IGF2R: variants seen among roughly 807,000 people sequenced by gnomAD.
The protein encoded by IGF2R is insulin like growth factor 2 receptor.
A neutral mutation model predicts 270.6 loss-of-function variants in IGF2R; 91 were observed. The observed-to-expected ratio is 0.34, with a 90% CI of 0.28 to 0.40. The LOEUF is 0.40. Ranked by LOEUF, IGF2R falls within the 10% of genes least tolerant of loss-of-function variation. The pLI, the probability that IGF2R is intolerant of heterozygous loss-of-function variation, is 1.00. For missense variants in IGF2R, 2,805 were observed against 3,188.3 expected, an observed-to-expected ratio of 0.88 and a Z score of 2.90; for synonymous variants, 1,316 against 1,258.9, an observed-to-expected ratio of 1.05 and a Z score of -0.96.
At chr6:159,970,827 C>G (rs1488922923) in intron 1 of IGF2R, among the ~76,000 whole-genome samples, 3 of 152,162 alleles carry the variant, frequency 2.0e-5, no homozygotes, top group Non-Finnish European at 2.9e-5. Flanking sequence ...GCCCGGAATC[C>G]AGCACTTTGG....
At chr6:160,007,302 C>T (rs1784258454) in intron 2 of IGF2R, 1 of 152,186 alleles carries the variant, frequency 6.6e-6, no homozygotes, top group African/African-American at 2.4e-5. Context: ...GACATAATGT[C>T]CTGCTGACTT....
At chr6:160,012,319 T>G (rs1254432622) in intron 4 of IGF2R, among the ~76,000 whole-genome samples, 1 of 152,138 alleles carries the variant, frequency 6.6e-6, no homozygotes, top group Admixed American at 6.5e-5. Context: ...GGGAGCACAG[T>G]GTGTTCATTC....
At position 160,060,600 on chromosome 6, in the gene IGF2R, G is replaced by C; in HGVS notation, c.3145G>C (p.Gly1049Arg). ...RFVCNDDVYS[G>R]PLKFLHQDID... ...TGTTTGCAATGATGATGTTTACTCA[G>C]GGCCCCTCAAATTCCTGCATCAAGA... The change falls in exon 23 of 48, where the codon GGG (glycine) becomes CGG (arginine). Residue 1049 changes from glycine (G) to arginine (R), a missense_variant. Coordinates refer to ENST00000356956, the MANE Select transcript of IGF2R (RefSeq NM_000876.4). 3.1e-6 allele frequency: 5 copies of C among 1,614,248 alleles called. No homozygotes were observed. The highest frequency in any genetic ancestry group is 4.2e-6 in the Non-Finnish European group (5 of 1,180,034).
rs1217705895 is a variant in IGF2R at position 160,063,522 on chromosome 6, C to T, written c.3778C>T (p.Arg1260Trp). The T allele has an allele frequency of 1.9e-6, 3 of 1,614,136 alleles. No homozygotes were observed. The highest frequency in any genetic ancestry group is 2.2e-5 in the East Asian group (1 of 44,888). ...VSAGEYTYYF[R>W]VCGKLSSDVC... ...CGCTGGCGAATACACTTATTACTTC[C>T]GGGTCTGTGGGAAGCTTTCCTCAGA... is the stretch of plus-strand genomic sequence containing the variant. Residue 1260 changes from arginine to tryptophan, a missense_variant, in exon 27 of 48, where the codon CGG becomes TGG. Coordinates refer to ENST00000356956, the MANE Select transcript of IGF2R (RefSeq NM_000876.4).
chr6:160,085,573 A>G (rs1779082618), intron 41 of IGF2R, among the ~76,000 whole-genome samples: 1 of 152,216 alleles, frequency 6.6e-6, no homozygotes, highest in African/African-American at 2.4e-5. Context: ...CGGGAAATTG[A>G]TCTTGTACTT....
At chr6:160,009,895 A>C (rs1290406886) in intron 3 of IGF2R, among the ~76,000 whole-genome samples, 1 of 152,228 alleles carries the variant, frequency 6.6e-6, no homozygotes, top group Non-Finnish European at 1.5e-5. Context: ...CTTCAGGTCC[A>C]CAGTGTCTTA....
intron 47 of IGF2R, among the ~76,000 whole-genome samples, chr6:160,104,380 C>T (rs1779565482): frequency 6.6e-6 from 1 of 151,926 alleles, no homozygotes; most frequent in Non-Finnish European, 1.5e-5. Context: ...TCGGTCCAGG[C>T]CATCCCGAAC....
At chr6:160,014,175 C>T (rs888375673) in intron 4 of IGF2R, among the ~76,000 whole-genome samples, 58 of 152,314 alleles carry the variant, frequency 3.8e-4, no homozygotes, top group African/African-American at 1.3e-3. Flanking sequence ...TGTAAATATA[C>T]CTCCTACTGT....
chr6:160,029,717 C>T lies in IGF2R; in HGVS notation c.882+62C>T, dbSNP rs8191759. On this transcript the variant is annotated intron_variant, in intron 7 of 47. Coordinates refer to ENST00000356956, the MANE Select transcript of IGF2R (RefSeq NM_000876.4). ...CAGTAGCCTGGGTTGCCCATGCGAA[C>T]GCGTTTCTGGGCTTGGGGCAGGGTG... The T allele has an allele frequency of 4.9e-4, 592 of 1,219,406 alleles. 4 individuals carry two copies. In the South Asian group the frequency reaches 6.4e-3, roughly 13 times the overall value. The allele number at this position is 1,219,406 out of a possible 1,614,324, so 75.5% of individuals were successfully genotyped here.
chr6:159,969,929 C>T (rs1444601592), intron 1 of IGF2R, among the ~76,000 whole-genome samples: 8 of 151,416 alleles, frequency 5.3e-5, no homozygotes, highest in Non-Finnish European at 1.0e-4. Context: ...GGCTCATTTT[C>T]TCTTTAAAGA....
Position 160,110,560 on chromosome 6 carries a change from C to T in IGF2R, c.*5476C>T, listed in dbSNP as rs1779721190. 6.6e-6 allele frequency: 1 copy of T among 152,250 alleles called. No individual in the cohort carries two copies. Among genetic ancestry groups the T allele is most frequent in the Non-Finnish European group, 1.5e-5 (1 of 68,048 alleles). The allele number at this position is 152,250 out of a possible 1,614,324, so 9.4% of individuals were successfully genotyped here. On this transcript the variant is annotated 3_prime_UTR_variant, in exon 48 of 48. Transcript: ENST00000356956. Reference sequence around the variant, plus strand: ...AGAACAGCTACCAGGAATCCCACATCTGGGTGTATATCCAAAAGAAATGAA... The same window carrying T: ...AGAACAGCTACCAGGAATCCCACATTTGGGTGTATATCCAAAAGAAATGAA...
intron 3 of IGF2R, among the ~76,000 whole-genome samples, chr6:160,009,694 G>C (rs1418117146): frequency 6.6e-6 from 1 of 152,098 alleles, no homozygotes; most frequent in African/African-American, 2.4e-5. Flanking sequence ...TTAATCTTTA[G>C]TTTTTGGAAA....
chr6:160,022,374 C>T (rs1196600923), intron 4 of IGF2R, among the ~76,000 whole-genome samples: 1 of 152,172 alleles, frequency 6.6e-6, no homozygotes, highest in Admixed American at 6.5e-5. Flanking sequence ...TACAACTGCA[C>T]TCGGTCCTCC....
intron 4 of IGF2R, among the ~76,000 whole-genome samples, chr6:160,013,446 T>C (rs949960867): frequency 6.7e-6 from 1 of 149,038 alleles, no homozygotes; most frequent in Non-Finnish European, 1.5e-5. Flanking sequence ...TGCTGATCTG[T>C]GTTCTAAATA....
Position 160,089,928 on chromosome 6 carries a change from C to G in IGF2R, c.6480C>G (p.Ala2160=), listed in dbSNP as rs184099576. The G allele has an allele frequency of 1.1e-5, 17 of 1,584,060 alleles. No individual in the cohort carries two copies. In the African/African-American group the frequency reaches 2.2e-4, roughly 20 times the overall value. The change falls in exon 44 of 48, where the codon GCC becomes GCG. Residue 2160 remains alanine, a synonymous_variant. Transcript: ENST00000356956. ...LGDIYFKLFR[A]SGDMRTNGDN... ...TCTGTCTCTTCAGGCTGTTCAGAGC[C>G]TCTGGGGACATGAGGACCAATGGGG...
chr6:160,063,483 G>A lies in IGF2R; in HGVS notation c.3739G>A (p.Asp1247Asn), dbSNP rs1778487319. The change falls in exon 27 of 48, where the codon GAC becomes AAC. Residue 1247 changes from aspartate (D) to asparagine (N), a missense_variant. Transcript: ENST00000356956. The part of the protein sequence containing the change: ...LYDLKPLGLN[D>N]TIVSAGEYTY... The stretch of plus-strand genomic sequence containing the variant: ...TGACCTGAAGCCCCTGGGCCTCAAC[G>A]ACACCATCGTGAGCGCTGGCGAATA... 3 of 1,613,604 alleles carry A rather than the reference G, an allele frequency of 1.9e-6. No homozygotes were observed. The highest frequency in any genetic ancestry group is 1.3e-5 in the African/African-American group (1 of 74,922).
intron 18 of IGF2R, among the ~76,000 whole-genome samples, chr6:160,049,645 A>T (rs1390597327): frequency 2.6e-5 from 4 of 152,184 alleles, no homozygotes; most frequent in Non-Finnish European, 4.4e-5. Flanking sequence ...TTCACACTAA[A>T]GCCTTTTCAA....
At chr6:159,971,652 T>C (rs574568382) in intron 1 of IGF2R, among the ~76,000 whole-genome samples, 4 of 152,186 alleles carry the variant, frequency 2.6e-5, no homozygotes, top group Admixed American at 6.5e-5. Flanking sequence ...TCTGTTCCTG[T>C]TTTATAATTT....
chr6:160,105,113 G>A lies in IGF2R; in HGVS notation c.*29G>A. ...CGCAGTGCCTGCAGGGGAGCACGGAGCCGCGGGACAGCCAAGCACCTCCAA... is the reference window on the plus strand; with the variant it reads ...CGCAGTGCCTGCAGGGGAGCACGGAACCGCGGGACAGCCAAGCACCTCCAA... On this transcript the variant is annotated 3_prime_UTR_variant, in exon 48 of 48. Transcript: ENST00000356956. 3 of 1,489,458 alleles carry A rather than the reference G, an allele frequency of 2.0e-6. No homozygotes were observed. The highest frequency in any genetic ancestry group is 2.7e-6 in the Non-Finnish European group (3 of 1,116,528). The allele number at this position is 1,489,458 out of a possible 1,614,324, so 92.3% of individuals were successfully genotyped here.
Sources: allele counts gnomAD v4.1 joint callset (sites outside exome capture counted in the v4.1 genomes callset), GRCh38; gene constraint gnomAD v4.1.1; transcripts MANE v1.5; gene names NCBI Gene and HGNC (gene_info 2026-07-23, HGNC 2026-07-21).